Variants in NAALADL2 observed in about 807,000 individuals in gnomAD.
The protein encoded by NAALADL2 is inactive N-acetylated-alpha-linked acidic dipeptidase-like protein 2.
In NAALADL2, 76 loss-of-function variants were observed where a neutral mutation model predicts 87.2. The ratio of observed to expected loss-of-function variants is 0.87; its 90% CI spans 0.72 to 1.05. The LOEUF (loss-of-function observed/expected upper bound fraction) is 1.05. Among genes scored for constraint, NAALADL2 ranks in the 50% least tolerant of loss-of-function variants. NAALADL2 has a pLI of 0.00. For missense variants in NAALADL2, 1,089 were observed against 945.8 expected (o/e 1.15, Z -1.99); for synonymous variants, 354 against 331.0 (o/e 1.07, Z -0.75).
At chr3:175,391,134 GA>G (rs1769017159) in intron 5 of NAALADL2, among the ~76,000 whole-genome samples, 1 of 152,158 alleles carries the variant, frequency 6.6e-6, no homozygotes, top group Non-Finnish European at 1.5e-5. Context: ...AAACCTAAAA[GA>G]ATACAGTGGT....
At chr3:175,794,339 G>A (rs531543768) in intron 13 of NAALADL2, among the ~76,000 whole-genome samples, 220 of 151,458 alleles carry the variant, frequency 1.5e-3, no homozygotes, top group African/African-American at 4.8e-3. Context: ...GAAAATGGTC[G>A]CGATGAAATA....
chr3:174,746,310 T>C (rs994111992), intron 3 of NAALADL2, among the ~76,000 whole-genome samples: 22 of 152,122 alleles, frequency 1.4e-4, no homozygotes, highest in Non-Finnish European at 1.2e-4. Context: ...AGCCAAATCA[T>C]GAATGAACTC....
At chr3:175,521,510 G>A (rs1732657384) in intron 9 of NAALADL2, among the ~76,000 whole-genome samples, 1 of 152,096 alleles carries the variant, frequency 6.6e-6, no homozygotes, top group African/African-American at 2.4e-5. Flanking sequence ...AGAGAGATAT[G>A]TTCAAGTCCT....
chr3:174,879,231 A>G (rs888888486), intron 1 of NAALADL2, among the ~76,000 whole-genome samples: 2 of 152,078 alleles, frequency 1.3e-5, no homozygotes, highest in African/African-American at 4.8e-5. Context: ...CTTATTAAGG[A>G]ACACCTTGAC....
At chr3:175,152,777 G>A (rs1731732536) in intron 2 of NAALADL2, among the ~76,000 whole-genome samples, 2 of 152,010 alleles carry the variant, frequency 1.3e-5, no homozygotes, top group African/African-American at 4.8e-5. Flanking sequence ...CTTGGTGGCA[G>A]GCACCTGTAA....
intron 2 of NAALADL2, among the ~76,000 whole-genome samples, chr3:175,164,572 A>G (rs1354391000): frequency 6.6e-6 from 1 of 152,180 alleles, no homozygotes; most frequent in African/African-American, 2.4e-5. Context: ...CCAAGTACAT[A>G]TTGCAAATTG....
intron 5 of NAALADL2, among the ~76,000 whole-genome samples, chr3:175,442,702 G>C (rs939972251): frequency 6.6e-6 from 1 of 152,080 alleles, no homozygotes; most frequent in African/African-American, 2.4e-5. Flanking sequence ...TGACGTAATG[G>C]GTCTGTTTGA....
chr3:174,583,943 T>C (rs945396212), intron 2 of NAALADL2, among the ~76,000 whole-genome samples: 1 of 152,194 alleles, frequency 6.6e-6, no homozygotes, highest in Non-Finnish European at 1.5e-5. Context: ...GCAAAATGTT[T>C]TATATTTCCC....
intron 1 of NAALADL2, among the ~76,000 whole-genome samples, chr3:175,004,640 G>A (rs913090775): frequency 5.3e-5 from 8 of 151,972 alleles, no homozygotes; most frequent in Admixed American, 3.3e-4. Context: ...CATGAATGAT[G>A]GTAATGCCAA....
intron 9 of NAALADL2, among the ~76,000 whole-genome samples, chr3:175,567,717 T>TC (rs1717409911): frequency 6.8e-6 from 1 of 147,116 alleles, no homozygotes; most frequent in South Asian, 2.1e-4. Flanking sequence ...CTTTTTCTTT[T>TC]CTTTTTTTTT....
intron 11 of NAALADL2, among the ~76,000 whole-genome samples, chr3:175,635,084 A>T (rs1728319757): frequency 6.6e-6 from 1 of 152,088 alleles, no homozygotes; most frequent in Non-Finnish European, 1.5e-5. Context: ...TGCATAATTA[A>T]ACTTAATATC....
At chr3:174,470,021 A>T in intron 1 of NAALADL2, among the ~76,000 whole-genome samples, 1 of 152,100 alleles carries the variant, frequency 6.6e-6, no homozygotes, top group East Asian at 1.9e-4. Flanking sequence ...AACACCGAAA[A>T]ATTAAATTTT....
At chr3:174,775,989 C>G (rs975325477) in intron 3 of NAALADL2, among the ~76,000 whole-genome samples, 2 of 152,094 alleles carry the variant, frequency 1.3e-5, no homozygotes, top group Admixed American at 1.3e-4. Context: ...TTAAAATGTC[C>G]TACTATTGCA....
At chr3:174,979,161 C>G (rs1033679780) in intron 1 of NAALADL2, among the ~76,000 whole-genome samples, 1 of 151,758 alleles carries the variant, frequency 6.6e-6, no homozygotes, top group Non-Finnish European at 1.5e-5. Flanking sequence ...TCTTGTAGTT[C>G]TTATTTTCTT....
At chr3:174,643,896 CAG>C (rs1340479811) in intron 2 of NAALADL2, among the ~76,000 whole-genome samples, 2 of 152,104 alleles carry the variant, frequency 1.3e-5, no homozygotes, top group African/African-American at 2.4e-5. Context: ...GGAAGGAAGA[CAG>C]AGCAGCAGTT....
chr3:175,593,759 T>C (rs1266193508), intron 10 of NAALADL2, among the ~76,000 whole-genome samples: 1 of 110,202 alleles, frequency 9.1e-6, no homozygotes, highest in East Asian at 3.2e-4. Context: ...GCAGTCATAT[T>C]AGGGCCCACT....
chr3:175,166,400 G>T (rs575011288), intron 2 of NAALADL2, among the ~76,000 whole-genome samples: 1 of 152,008 alleles, frequency 6.6e-6, no homozygotes, highest in African/African-American at 2.4e-5. Flanking sequence ...CTGTCTTCTA[G>T]CTTTATTCCA....
At chr3:175,413,370 G>A in intron 5 of NAALADL2, among the ~76,000 whole-genome samples, 1 of 150,494 alleles carries the variant, frequency 6.6e-6, no homozygotes, top group East Asian at 2.1e-4. Flanking sequence ...AAGAGATAGA[G>A]ACCATCCTGG....
At chr3:175,236,590 TATTAACA>T (rs1284488850) in intron 3 of NAALADL2, among the ~76,000 whole-genome samples, 79 of 150,310 alleles carry the variant, frequency 5.3e-4, no homozygotes, top group African/African-American at 1.9e-3. Flanking sequence ...GGGGTGGGTA[TATTAACA>T]GATATTGTAT....
Sources: allele counts gnomAD v4.1 joint callset (sites outside exome capture counted in the v4.1 genomes callset), GRCh38; gene constraint gnomAD v4.1.1; transcripts MANE v1.5; gene names NCBI Gene and HGNC (gene_info 2026-07-23, HGNC 2026-07-21).